The following LRRIQ3 variants were observed in gnomAD, a reference collection of about 807,000 sequenced individuals.
LRRIQ3 encodes leucine rich repeats and IQ motif containing 3.
LRRIQ3 carries 75 observed loss-of-function variants against 59.3 expected under a neutral mutation model. That is an observed-to-expected ratio of 1.26 (90% CI 1.05 to 1.53). The LOEUF (loss-of-function observed/expected upper bound fraction) is 1.53, where lower values mean the gene tolerates loss of function less well. Ranked by LOEUF, LRRIQ3 falls within the 40% of genes most tolerant of loss-of-function variation. LRRIQ3 has a pLI of 0.00. For synonymous variants in LRRIQ3, 250 were observed against 231.3 expected (o/e 1.08, Z -0.73); for missense variants, 831 against 710.0 (o/e 1.17, Z -1.94).
At chr1:74,124,464 G>C (rs1018253294) in intron 4 of LRRIQ3, among the ~76,000 whole-genome samples, 1 of 151,810 alleles carries the variant, frequency 6.6e-6, no homozygotes, top group Admixed American at 6.6e-5. Flanking sequence ...TTTCCCCAAC[G>C]TTTTCTTATA....
intron 3 of LRRIQ3, among the ~76,000 whole-genome samples, chr1:74,174,514 C>T (rs1335320035): frequency 6.6e-6 from 1 of 151,122 alleles, no homozygotes; most frequent in Non-Finnish European, 1.5e-5. Context: ...TCCCAAGCAG[C>T]TGAGATTACA....
chr1:74,177,079 A>C (rs1258977654), intron 3 of LRRIQ3, among the ~76,000 whole-genome samples: 1 of 152,122 alleles, frequency 6.6e-6, no homozygotes, highest in Non-Finnish European at 1.5e-5. Flanking sequence ...TTAGATAGAG[A>C]GAGCAGGCTT....
chr1:74,061,483 G>A (rs1190688361), intron 6 of LRRIQ3, among the ~76,000 whole-genome samples: 1 of 152,034 alleles, frequency 6.6e-6, no homozygotes, highest in African/African-American at 2.4e-5. Context: ...GAATAGCCAA[G>A]ACAATCCTAA....
intron 4 of LRRIQ3, among the ~76,000 whole-genome samples, chr1:74,131,855 T>C (rs1256554332): frequency 3.3e-5 from 5 of 152,096 alleles, no homozygotes; most frequent in African/African-American, 4.8e-5. Flanking sequence ...CTATTTAACA[T>C]AGTGTTGGAA....
intron 4 of LRRIQ3, among the ~76,000 whole-genome samples, chr1:74,140,779 A>G (rs568005234): frequency 2.0e-5 from 3 of 151,984 alleles, no homozygotes; most frequent in East Asian, 3.9e-4. Context: ...TATCATATCA[A>G]TGTGAAATGT....
rs369589258 is a variant in LRRIQ3, at chr1:74,183,699, A to C, written c.1-15T>G. 8 of 1,435,408 alleles carry C rather than the reference A, an allele frequency of 5.6e-6. No homozygotes were observed. Among genetic ancestry groups the C allele is most frequent in the Non-Finnish European group, 7.4e-6 (8 of 1,087,180 alleles). 88.9% of individuals were successfully genotyped at this position (1,435,408 alleles called of 1,614,324 possible). ...CCATGAAACATCTAGGAAAGATAAG[A>C]AAGTGCTTTGATTTTTTTTTCCACT... is the stretch of plus-strand genomic sequence containing the variant. On this transcript the variant is annotated splice_polypyrimidine_tract_variant and intron_variant, in intron 1 of 7. Coordinates refer to ENST00000354431, the MANE Select transcript of LRRIQ3 (RefSeq NM_001105659.2).
chr1:74,130,974 T>G (rs947622765), intron 4 of LRRIQ3, among the ~76,000 whole-genome samples: 1 of 152,026 alleles, frequency 6.6e-6, no homozygotes, highest in African/African-American at 2.4e-5. Context: ...ACAAAATTGA[T>G]AGACCACCAG....
intron 3 of LRRIQ3, chr1:74,180,263 G>A (rs555144245): frequency 2.2e-4 from 33 of 150,824 alleles, no homozygotes; most frequent in African/African-American, 7.8e-4. Context: ...ATCTTCATTG[G>A]TTACACTGCT....
chr1:74,060,159 T>C (rs539057412), intron 6 of LRRIQ3, among the ~76,000 whole-genome samples: 450 of 152,094 alleles, frequency 3.0e-3, no homozygotes, highest in Non-Finnish European at 4.8e-3. Flanking sequence ...AGTCGCCTTC[T>C]TCTTCGTCGT....
intron 7 of LRRIQ3, among the ~76,000 whole-genome samples, chr1:74,029,498 G>A (rs907581740): frequency 1.4e-4 from 22 of 151,982 alleles, no homozygotes; most frequent in African/African-American, 3.6e-4. Flanking sequence ...GCTGGATTAC[G>A]TTTATTGATT....
chr1:74,107,554 T>C (rs369254655), intron 5 of LRRIQ3, among the ~76,000 whole-genome samples: 1 of 149,694 alleles, frequency 6.7e-6, no homozygotes, highest in African/African-American at 2.4e-5. Context: ...AAATAATACA[T>C]AATGAATAAA....
At chr1:74,186,960 T>A (rs1412506433) in intron 1 of LRRIQ3, among the ~76,000 whole-genome samples, 1 of 151,706 alleles carries the variant, frequency 6.6e-6, no homozygotes, top group African/African-American at 2.4e-5. Flanking sequence ...AGAAAAAAAA[T>A]CACTAATCAT....
At chr1:74,084,045 A>G in intron 5 of LRRIQ3, 1 of 765,820 alleles carries the variant, frequency 1.3e-6, no homozygotes, top group Non-Finnish European at 1.9e-6. Context: ...TTCTCTTTTC[A>G]ACTTTACACT....
chr1:74,060,916 TG>T (rs941787247), intron 6 of LRRIQ3, among the ~76,000 whole-genome samples: 2 of 152,058 alleles, frequency 1.3e-5, no homozygotes, highest in African/African-American at 2.4e-5. Flanking sequence ...CAGTGACTTC[TG>T]GGGAAGGAGT....
Position 74,109,507 on chromosome 1 carries a change from C to G in LRRIQ3, c.754G>C (p.Gly252Arg), listed in dbSNP as rs763576679. ...ATGTAAATCCATTTTGCTTCATATC[C>G]TCTAATAATTTTTTCCTGCTGTTTT... ...KKKQQEKIIR[G>R]YEAKWIYITK... Residue 252 changes from glycine to arginine, a missense_variant, in exon 5 of 8, where the codon GGA (glycine) becomes CGA (arginine). Transcript: ENST00000354431. 1.9e-6 allele frequency: 3 copies of G among 1,564,952 alleles called. No homozygotes were observed. The highest frequency in any genetic ancestry group is 1.7e-6 in the Non-Finnish European group (2 of 1,161,164).
At chr1:74,073,544 A>ACAAACAAACAAACAAAC (rs59310161) in intron 6 of LRRIQ3, among the ~76,000 whole-genome samples, 1 of 151,742 alleles carries the variant, frequency 6.6e-6, no homozygotes, top group African/African-American at 2.4e-5. Context: ...AAACAAACAA[A>ACAAACAAACAAACAAAC]ATAAAAAGAC....
At chr1:74,177,810 A>G (rs1256298195) in intron 3 of LRRIQ3, among the ~76,000 whole-genome samples, 1 of 152,062 alleles carries the variant, frequency 6.6e-6, no homozygotes, top group Non-Finnish European at 1.5e-5. Flanking sequence ...ACTTAGCTAG[A>G]GGAATATCTA....
intron 4 of LRRIQ3, among the ~76,000 whole-genome samples, chr1:74,117,105 AG>A (rs1272802559): frequency 3.9e-5 from 6 of 152,290 alleles, no homozygotes. Flanking sequence ...TATCATTTTC[AG>A]AACATTTGTA....
chr1:74,059,107 A>T (rs74707991), intron 6 of LRRIQ3, among the ~76,000 whole-genome samples: 1 of 151,386 alleles, frequency 6.6e-6, no homozygotes, highest in East Asian at 2.0e-4. Context: ...TCCATAGCAG[A>T]TATGTTATTT....
Sources: gnomAD v4.1 joint callset for allele counts (sites outside exome capture counted in the v4.1 genomes callset) on GRCh38, gnomAD v4.1.1 for gene constraint, MANE v1.5 for transcripts, NCBI Gene and HGNC (gene_info 2026-07-23, HGNC 2026-07-21) for gene names.